GPR89B: variants seen among roughly 807,000 people sequenced by gnomAD.
GPR89B encodes the protein G protein-coupled receptor 89B.
Under a neutral mutation model 52.4 loss-of-function variants are expected in GPR89B, and 25 were observed. That is an observed-to-expected ratio of 0.48 (90% CI 0.35 to 0.67). GPR89B has a LOEUF of 0.67. GPR89B is among the 30% of genes least tolerant of loss of function. The pLI is 0.01. For synonymous variants in GPR89B, 52 were observed against 151.2 expected, an observed-to-expected ratio of 0.34 and a Z score of 4.81; for missense variants, 146 against 450.2, an observed-to-expected ratio of 0.32 and a Z score of 6.11.
chr1:147,971,302 G>A (rs1387076064), intron 10 of GPR89B, among the ~76,000 whole-genome samples: 13,039 of 150,400 alleles, frequency 0.087, 1,238 homozygotes, highest in African/African-American at 0.22. Context: ...AGCACGCACC[G>A]CCACGCCCAG....
chr1:147,931,579 T>A (rs1323066456), intron 1 of GPR89B, among the ~76,000 whole-genome samples: 1 of 152,094 alleles, frequency 6.6e-6, no homozygotes, highest in Non-Finnish European at 1.5e-5. Context: ...TGTGTGTAGT[T>A]TAAGTCTTTT....
intron 5 of GPR89B, among the ~76,000 whole-genome samples, chr1:147,952,993 C>G: frequency 6.7e-6 from 1 of 148,672 alleles, no homozygotes; most frequent in Admixed American, 6.7e-5. Flanking sequence ...GATTTACTTT[C>G]TTAGTTTTTT....
downstream of GPR89B, among the ~76,000 whole-genome samples, chr1:147,998,500 G>C (rs1259038912): frequency 6.6e-6 from 1 of 151,752 alleles, no homozygotes; most frequent in Non-Finnish European, 1.5e-5. Flanking sequence ...GCAAAAATAC[G>C]TCTGATAACA....
chr1:147,997,307 T>C (rs1324244145), downstream of GPR89B, among the ~76,000 whole-genome samples: 35 of 152,314 alleles, frequency 2.3e-4, no homozygotes, highest in Admixed American at 4.6e-4. Flanking sequence ...GGTGTGTGTC[T>C]GTGAAGGTGG....
intron 7 of GPR89B, among the ~76,000 whole-genome samples, chr1:147,963,236 C>T (rs1311672127): frequency 6.8e-6 from 1 of 146,850 alleles, no homozygotes; most frequent in African/African-American, 2.5e-5. Flanking sequence ...ATTAGCCAGG[C>T]GTGGTGGCGG....
chr1:147,979,705 A>G (rs1658094272), intron 10 of GPR89B, among the ~76,000 whole-genome samples: 1 of 151,912 alleles, frequency 6.6e-6, no homozygotes, highest in Non-Finnish European at 1.5e-5. Context: ...TATTAAACCA[A>G]TCTTGCATTC....
At chr1:147,930,097 A>G (rs1436203947) in intron 1 of GPR89B, among the ~76,000 whole-genome samples, 1 of 152,244 alleles carries the variant, frequency 6.6e-6, no homozygotes, top group Non-Finnish European at 1.5e-5. Context: ...TATAATTGAT[A>G]CGTTGAACCA....
At chr1:147,970,491 A>ATCTCTCTCTCTCTCTCCCTCTC (rs1558058762) in intron 10 of GPR89B, among the ~76,000 whole-genome samples, 3 of 105,736 alleles carry the variant, frequency 2.8e-5, no homozygotes, top group East Asian at 3.3e-4. Context: ...GTGAGACTCC[A>ATCTCTCTCTCTCTCTCCCTCTC]TCTCTCTCTC....
At chr1:147,949,301 T>TGACG (rs1655302726) in intron 5 of GPR89B, among the ~76,000 whole-genome samples, 2 of 150,486 alleles carry the variant, frequency 1.3e-5, no homozygotes, top group African/African-American at 4.9e-5. Flanking sequence ...GGGTGGTGGC[T>TGACG]GGGCAGAGGG....
intron 5 of GPR89B, among the ~76,000 whole-genome samples, chr1:147,946,832 T>C (rs1265750707): frequency 2.6e-5 from 4 of 152,098 alleles, no homozygotes; most frequent in Non-Finnish European, 5.9e-5. Flanking sequence ...GGAGATAGTT[T>C]CAGTTTTATT....
rs2149076497 is a variant in GPR89B, at chr1:147,969,024, T to C, written c.816+61T>C. Reference sequence around the variant, plus strand: ...AATATTATTAAAGAGAGAACAAGACTAAATGGCTTTTTAGATTTCTCTGTG... The same window carrying C: ...AATATTATTAAAGAGAGAACAAGACCAAATGGCTTTTTAGATTTCTCTGTG... On this transcript the variant is annotated intron_variant, in intron 9 of 13. Transcript: ENST00000314163. 5.8e-6 allele frequency: 8 copies of C among 1,373,546 alleles called. No homozygotes were observed. In the East Asian group the frequency reaches 9.3e-5, roughly 16 times the overall value. The allele number at this position is 1,373,546 out of a possible 1,614,324, so 85.1% of individuals were successfully genotyped here.
rs1465556949 is a variant in GPR89B, at chr1:147,988,042, C to T, written c.1006-390C>T. ...GTTCTGTTTTTTTCTGATTTATTAG[C>T]GTTATTTTTATCACTGCTTGGTACT... On this transcript the variant is annotated intron_variant, in intron 11 of 13. Transcript: ENST00000314163. Among the ~76,000 whole-genome samples, 1,504 of 151,954 alleles carry T rather than the reference C, an allele frequency of 9.9e-3. 24 individuals are homozygous for T. The highest frequency in any genetic ancestry group is 0.035 in the African/African-American group (1,436 of 41,390).
At chr1:147,947,392 T>C (rs1426844953) in intron 5 of GPR89B, among the ~76,000 whole-genome samples, 1 of 147,364 alleles carries the variant, frequency 6.8e-6, no homozygotes, top group African/African-American at 2.5e-5. Context: ...AAAAAATCTG[T>C]AAAAGTACTT....
At chr1:148,022,937 A>G in the GPR89B span, among the ~76,000 whole-genome samples, 1 of 151,778 alleles carries the variant, frequency 6.6e-6, no homozygotes, top group Non-Finnish European at 1.5e-5. Context: ...CTGTGCAGTA[A>G]TTTTTTTAGT....
intron 5 of GPR89B, among the ~76,000 whole-genome samples, chr1:147,945,695 A>G (rs1340310627): frequency 6.6e-6 from 1 of 151,104 alleles, no homozygotes; most frequent in Non-Finnish European, 1.5e-5. Context: ...TACATGTTGC[A>G]TTCTCCAGTC....
chr1:147,936,732 T>C lies in GPR89B; in HGVS notation c.102+46T>C, dbSNP rs781803513. On this transcript the variant is annotated intron_variant, in intron 2 of 13. Transcript: ENST00000314163. ...CATACTTACACTATATGAATTTAGATTGACAAGAAAAATGTCTCCATTAAA... is the reference window on the plus strand; with the variant it reads ...CATACTTACACTATATGAATTTAGACTGACAAGAAAAATGTCTCCATTAAA... 3.9e-6 allele frequency: 6 copies of C among 1,542,510 alleles called. No individual in the cohort carries two copies. In the East Asian group the frequency reaches 6.8e-5, roughly 17 times the overall value.
At chr1:147,985,122 C>T (rs1222184307) in intron 10 of GPR89B, among the ~76,000 whole-genome samples, 4 of 152,246 alleles carry the variant, frequency 2.6e-5, no homozygotes, top group African/African-American at 9.6e-5. Flanking sequence ...TTTTGCTTTA[C>T]GTATTTTGAA....
the GPR89B span, among the ~76,000 whole-genome samples, chr1:148,021,699 AC>A: frequency 6.6e-6 from 1 of 151,648 alleles, no homozygotes; most frequent in Non-Finnish European, 1.5e-5. Context: ...GGAGAGCAGC[AC>A]GTCCCCAAAA....
the GPR89B span, among the ~76,000 whole-genome samples, chr1:148,020,975 C>T: frequency 6.6e-6 from 1 of 151,578 alleles, no homozygotes; most frequent in African/African-American, 2.4e-5. Flanking sequence ...GGCGTGAGCC[C>T]GGGCCCCGGA....
Sources: allele counts gnomAD v4.1 joint callset (sites outside exome capture counted in the v4.1 genomes callset), GRCh38; gene constraint gnomAD v4.1.1; transcripts MANE v1.5; gene names NCBI Gene and HGNC (gene_info 2026-07-23, HGNC 2026-07-21).